Variants in GIGYF1 observed in about 807,000 individuals in gnomAD.
The protein encoded by GIGYF1 is GRB10-interacting GYF protein 1.
GIGYF1 carries 84 observed loss-of-function variants against 147.1 expected under a neutral mutation model. The ratio of observed to expected loss-of-function variants is 0.57; its 90% confidence interval spans 0.48 to 0.68. GIGYF1 has a LOEUF of 0.68. GIGYF1 is among the 30% of genes least tolerant of loss of function. The pLI, the probability that GIGYF1 is intolerant of heterozygous loss-of-function variation, is 0.00. For synonymous variants in GIGYF1, 752 were observed against 589.5 expected (o/e 1.28, Z -3.99); for missense variants, 1,485 against 1,393.7 (o/e 1.07, Z -1.04).
Position 100,685,103 on chromosome 7 carries a change from A to C in GIGYF1, c.1236T>G (p.Ser412=). The C allele has an allele frequency of 6.3e-7, 1 of 1,582,954 alleles. No individual in the cohort carries two copies. The highest frequency in any genetic ancestry group is 8.6e-7 in the Non-Finnish European group (1 of 1,163,438). The part of the protein sequence containing the change: ...GIQLSPGVGS[S]AGPPGDLEDD... ...CCTCCAGATCTCCGGGTGGGCCAGC[A>C]GAGGAGCCCACCCCGGGACTCAGCT... Residue 412 remains serine, a synonymous_variant, in exon 14 of 27, where the codon TCT becomes TCG. Coordinates refer to ENST00000678049, the MANE Select transcript of GIGYF1 (RefSeq NM_001375765.1).
rs916659596 is a variant in GIGYF1, at chr7:100,683,743, G to C, written c.1969+75C>G. 2.6e-5 allele frequency: 41 copies of C among 1,551,542 alleles called. No individual in the cohort carries two copies. The African/African-American group carries it at 5.3e-4, about 20-fold the overall frequency. ...CCAGAATGGCAGCTAGGGGCGTGTG[G>C]GGGTGGGGAGCAGACCCCAGACCCC... On this transcript the variant is annotated intron_variant, in intron 19 of 26. Coordinates refer to ENST00000678049, the MANE Select transcript of GIGYF1 (RefSeq NM_001375765.1).
chr7:100,688,872 T>A lies in GIGYF1; in HGVS notation c.-415A>T, dbSNP rs1584507875. On this transcript the variant is annotated 5_prime_UTR_variant, in exon 2 of 27. Transcript: ENST00000678049. ...CTCTCTGGGAGGCTGAGACAGGAGG[T>A]GTAGTGAAGAACTCGGGGAGGGAGG... The A allele has an allele frequency of 6.0e-6, 1 of 166,446 alleles. No individual in the cohort carries two copies. The highest frequency in any genetic ancestry group is 1.3e-5 in the Non-Finnish European group (1 of 76,464). 10.3% of individuals were successfully genotyped at this position (166,446 alleles called of 1,614,324 possible).
In GIGYF1 at chr7:100,684,072, G is replaced by GC; in HGVS notation, c.1815dup (p.Gln606AlafsTer54). On this transcript the variant is annotated frameshift_variant, in exon 18 of 27. Transcript: ENST00000678049. LOFTEE classifies it high-confidence loss of function. ...TGCAGGAATGCCGTGAGCTGCTGCT[G>GC]CTGCTGCTGTGGCGGCGGCGGTGGT... 1 of 1,607,402 alleles carries GC rather than the reference G, an allele frequency of 6.2e-7. No homozygotes were observed. The highest frequency in any genetic ancestry group is 1.1e-5 in the South Asian group (1 of 91,014).
rs1805160418 is a variant in GIGYF1 at position 100,684,824 on chromosome 7, T to A, written c.1361A>T (p.Gln454Leu). 1.2e-6 allele frequency: 2 copies of A among 1,609,146 alleles called. No individual in the cohort carries two copies. The highest frequency in any genetic ancestry group is 1.7e-6 in the Non-Finnish European group (2 of 1,177,728). Residue 454 changes from glutamine (Q) to leucine (L), a missense_variant, in exon 15 of 27, where the codon CAG becomes CTG. By Grantham distance (113) the Gln-to-Leu change is moderately radical. Transcript: ENST00000678049. ...LEEEQFTAAMQTQGLRHSAAA... is the reference protein window; with the variant it reads ...LEEEQFTAAMLTQGLRHSAAA... ...TGCAGAGTGGCGCAGGCCCTGGGTC[T>A]GCATGGCAGCCGTGAACTGCTCCTC...
chr7:100,690,949 C>A (rs780754063), intron 1 of GIGYF1, among the ~76,000 whole-genome samples: 1 of 151,874 alleles, frequency 6.6e-6, no homozygotes, highest in Non-Finnish European at 1.5e-5. Context: ...CTGAGGACAG[C>A]GACACCAAGA....
In GIGYF1 at chr7:100,682,143, T is replaced by C; in HGVS notation, c.2854A>G (p.Lys952Glu). Residue 952 changes from lysine (K) to glutamate (E), a missense_variant, in exon 25 of 27, where the codon AAA becomes GAA. Coordinates refer to ENST00000678049, the MANE Select transcript of GIGYF1 (RefSeq NM_001375765.1). ...TCCAGGAATTGTTTGGCAAATTCTT[T>C]GGCTTCCAGCGTGTCCCCCAGGCAG... ...RSCLGDTLEA[K>E]EFAKQFLERR... is the part of the protein sequence containing the mutation. The C allele has an allele frequency of 6.2e-7, 1 of 1,614,036 alleles. No individual in the cohort carries two copies. Among genetic ancestry groups the C allele is most frequent in the Admixed American group, 1.7e-5 (1 of 60,032 alleles).
Position 100,680,165 on chromosome 7 carries a change from C to CAAAAAAA in GIGYF1, c.*1547_*1553dup, listed in dbSNP as rs60489348. 3 of 69,640 alleles carry CAAAAAAA rather than the reference C, an allele frequency of 4.3e-5. No individual in the cohort carries two copies. Among genetic ancestry groups the CAAAAAAA allele is most frequent in the African/African-American group, 1.2e-4 (2 of 16,572 alleles). 4.3% of individuals were successfully genotyped at this position (69,640 alleles called of 1,614,324 possible). A position where few individuals can be genotyped will look rare whatever the true frequency, so the allele number is the denominator to read the frequency against. ...CACTGACCTAGTTGCCACTTTGGTG[C>CAAAAAAA]AAAAAAAAAAAAAAAAAAAAAAAAA... On this transcript the variant is annotated 3_prime_UTR_variant, in exon 27 of 27. Transcript: ENST00000678049.
rs746400309 is a variant in GIGYF1, at chr7:100,684,821, G to A, written c.1364C>T (p.Thr455Ile). The change falls in exon 15 of 27, where the codon ACC becomes ATC. Residue 455 changes from threonine to isoleucine, a missense_variant. Transcript: ENST00000678049. ...GGCTGCAGAGTGGCGCAGGCCCTGG[G>A]TCTGCATGGCAGCCGTGAACTGCTC... ...EEEQFTAAMQ[T>I]QGLRHSAAAT... The A allele has an allele frequency of 2.5e-6, 4 of 1,609,778 alleles. No individual in the cohort carries two copies. Among genetic ancestry groups the A allele is most frequent in the Non-Finnish European group, 8.5e-7 (1 of 1,178,094 alleles).
rs1325092470 is a variant in GIGYF1 at position 100,682,230 on chromosome 7, T to G, written c.2767A>C (p.Met923Leu). The G allele has an allele frequency of 1.9e-6, 3 of 1,611,790 alleles. No individual in the cohort carries two copies. The highest frequency in any genetic ancestry group is 2.7e-5 in the African/African-American group (2 of 74,928). ...ACCTCCTTGAGGATCGCTACAGCCA[T>G]GGGCACTGCAGGATGAGCGAAGGCT... The part of the protein sequence containing the change: ...LSATGSLDVP[M>L]AVAILKEVES... Residue 923 changes from methionine (M) to leucine (L), a missense_variant, in exon 25 of 27, where the codon ATG becomes CTG. Coordinates refer to ENST00000678049, the MANE Select transcript of GIGYF1 (RefSeq NM_001375765.1).
At position 100,682,315 on chromosome 7, in the gene GIGYF1, C is replaced by T. The variant is rs201150421; in HGVS notation, c.2761+7G>A. On this transcript the variant is annotated splice_region_variant and intron_variant, in intron 24 of 26. Coordinates refer to ENST00000678049, the MANE Select transcript of GIGYF1 (RefSeq NM_001375765.1). ...TCCCGCCCACCTCCTGGGAGCCGCT[C>T]GCCCACCGTCCAGGCTGCCCGTGGC... 3.5e-3 allele frequency: 5,714 copies of T among 1,610,862 alleles called. 23 individuals are homozygous for T. Among genetic ancestry groups the T allele is most frequent in the Non-Finnish European group, 4.5e-3 (5,315 of 1,179,352 alleles).
At chr7:100,687,934 C>A in intron 5 of GIGYF1, 47 bp downstream of exon 5, 1 of 1,611,620 alleles carries the variant, frequency 6.2e-7, no homozygotes, top group South Asian at 1.1e-5. Flanking sequence ...AGATCCCCTC[C>A]ACAGGCAGAG....
chr7:100,681,732 A>C lies in GIGYF1; in HGVS notation c.3095T>G (p.Val1032Gly). 6.4e-7 allele frequency: 1 copy of C among 1,573,308 alleles called. No individual in the cohort carries two copies. The highest frequency in any genetic ancestry group is 8.6e-7 in the Non-Finnish European group (1 of 1,159,220). ...GGTCCGGGCTGGTCAGTAGTCATCC[A>C]CGCTCTCGATCTCACCAGAAGATCC... ...LHGSSGEIES[V>G]DDY The change falls in exon 27 of 27, where the codon GTG becomes GGG. Residue 1032 changes from valine to glycine, a missense_variant. Coordinates refer to ENST00000678049, the MANE Select transcript of GIGYF1 (RefSeq NM_001375765.1).
Position 100,681,057 on chromosome 7 carries a change from C to G in GIGYF1, c.*662G>C, listed in dbSNP as rs1310332158. 1 of 152,826 alleles carries G rather than the reference C, an allele frequency of 6.5e-6. No individual in the cohort carries two copies. The highest frequency in any genetic ancestry group is 2.4e-5 in the African/African-American group (1 of 41,462). 9.5% of individuals were successfully genotyped at this position (152,826 alleles called of 1,614,324 possible). Reference sequence around the variant, plus strand: ...CCACTCGTCCAATTTGTGCAACTGTCCCCCAAAGCAGCGAAGCCAAGGGGC... The same window carrying G: ...CCACTCGTCCAATTTGTGCAACTGTGCCCCAAAGCAGCGAAGCCAAGGGGC... On this transcript the variant is annotated 3_prime_UTR_variant, in exon 27 of 27. Transcript: ENST00000678049.
Position 100,688,281 on chromosome 7 carries a change from G to T in GIGYF1, c.-43C>A, listed in dbSNP as rs757251135. The T allele has an allele frequency of 6.3e-6, 8 of 1,275,836 alleles. No individual in the cohort carries two copies. The highest frequency in any genetic ancestry group is 3.6e-5 in the South Asian group (3 of 84,032). The allele number at this position is 1,275,836 out of a possible 1,614,324, so 79.0% of individuals were successfully genotyped here. On this transcript the variant is annotated 5_prime_UTR_variant, in exon 4 of 27. Transcript: ENST00000678049. ...TTGAGAGGCCGGGGGTGGGGAGGAG[G>T]GGACCTGGCGTTCACTGTCCAAACA...
chr7:100,687,454 A>G (rs749134437), intron 7 of GIGYF1, 48 bp from the exon 8 acceptor site: 2 of 1,607,378 alleles, frequency 1.2e-6, no homozygotes, highest in Admixed American at 3.3e-5. Context: ...ACGTTCTCGA[A>G]GTCAGGGGCC....
chr7:100,687,172 G>A, intron 8 of GIGYF1, 126 bp from the exon 9 acceptor site: 2 of 1,473,114 alleles, frequency 1.4e-6, no homozygotes, highest in Non-Finnish European at 1.9e-6. Flanking sequence ...ACGAAACCAG[G>A]GGTCAGGAGC....
At chr7:100,688,332 G>A (rs969616583) in intron 3 of GIGYF1, 25 bp from the exon 4 acceptor site, 30 of 1,091,188 alleles carry the variant, frequency 2.7e-5, no homozygotes, top group Middle Eastern at 2.1e-4. Flanking sequence ...GGGCCATGAA[G>A]AACAGCACAC....
chr7:100,691,216 A>G (rs1314297461), intron 1 of GIGYF1, among the ~76,000 whole-genome samples: 1 of 152,188 alleles, frequency 6.6e-6, no homozygotes, highest in Non-Finnish European at 1.5e-5. Flanking sequence ...AAGTCTAGAG[A>G]CATTCTGGGT....
chr7:100,685,431 G>C lies in GIGYF1; in HGVS notation c.1105C>G (p.Pro369Ala). 1 of 1,589,188 alleles carries C rather than the reference G, an allele frequency of 6.3e-7. No homozygotes were observed. ...LPPQEEKSSS[P>A]SPLPTLGPLW... ...GGGCCCAGGGTGGGCAGTGGGGATGGGGAGCTGGACTTCTCCTCCTGAGGA... is the reference window on the plus strand; with the variant it reads ...GGGCCCAGGGTGGGCAGTGGGGATGCGGAGCTGGACTTCTCCTCCTGAGGA... Residue 369 changes from proline to alanine, a missense_variant, in exon 13 of 27, where the codon CCA (proline) becomes GCA (alanine). Coordinates refer to ENST00000678049, the MANE Select transcript of GIGYF1 (RefSeq NM_001375765.1).
Sources: allele counts gnomAD v4.1 joint callset (sites outside exome capture counted in the v4.1 genomes callset), GRCh38; gene constraint gnomAD v4.1.1; transcripts MANE v1.5; gene names NCBI Gene and HGNC (gene_info 2026-07-23, HGNC 2026-07-21).